Variants in FER observed in about 807,000 individuals in gnomAD.
FER encodes the protein tyrosine-protein kinase Fer.
FER carries 63 observed loss-of-function variants against 111.0 expected under a neutral mutation model. The observed-to-expected ratio is 0.57, with a 90% CI of 0.46 to 0.70. The LOEUF (loss-of-function observed/expected upper bound fraction) is 0.70, where lower values mean the gene tolerates loss of function less well. FER is among the 30% of genes least tolerant of loss of function. FER has a pLI of 0.00. For missense variants in FER, 914 were observed against 954.0 expected (o/e 0.96, Z 0.55); for synonymous variants, 327 against 313.9 (o/e 1.04, Z -0.44).
intron 17 of FER, among the ~76,000 whole-genome samples, chr5:109,118,928 T>C (rs533032379): frequency 6.6e-6 from 1 of 152,124 alleles, no homozygotes; most frequent in South Asian, 2.1e-4. Context: ...GGTCTATCAA[T>C]TTTGTTGATC....
chr5:109,069,048 C>A (rs1217333347), intron 16 of FER, among the ~76,000 whole-genome samples: 1 of 151,966 alleles, frequency 6.6e-6, no homozygotes, highest in South Asian at 2.1e-4. Flanking sequence ...TCCTACTAGA[C>A]TATTACCAAA....
Position 108,946,216 on chromosome 5 carries a change from T to C in FER, c.1323T>C (p.Ser441=), listed in dbSNP as rs769976162. ...GGTCTCCAAAATCTGCACTGGGCTC[T>C]TCAGCAGTAAGTAGGATTAACTCTC... ...IIRSPKSALG[S]SALSDMISIS... Residue 441 remains serine (S), a synonymous_variant, in exon 11 of 20, where the codon TCT becomes TCC. Transcript: ENST00000281092. The C allele has an allele frequency of 6.2e-7, 1 of 1,609,498 alleles. No homozygotes were observed. The highest frequency in any genetic ancestry group is 8.5e-7 in the Non-Finnish European group (1 of 1,176,682).
intron 13 of FER, among the ~76,000 whole-genome samples, chr5:109,027,306 A>G (rs57622369): frequency 0.12 from 17,812 of 152,064 alleles, 1,107 homozygotes; most frequent in Non-Finnish European, 0.14. Flanking sequence ...ATTGGCCTGT[A>G]TTTAAGGTAG....
At chr5:109,010,404 G>A (rs925927337) in intron 13 of FER, among the ~76,000 whole-genome samples, 5 of 151,756 alleles carry the variant, frequency 3.3e-5, no homozygotes, top group Non-Finnish European at 5.9e-5. Flanking sequence ...TGATCCGCCC[G>A]CCTCGGCCTC....
At chr5:108,969,377 T>A (rs1760321721) in intron 13 of FER, among the ~76,000 whole-genome samples, 1 of 152,110 alleles carries the variant, frequency 6.6e-6, no homozygotes, top group African/African-American at 2.4e-5. Flanking sequence ...TGGGGAGAGC[T>A]CCAAGAGACA....
In FER at chr5:108,995,958, C is replaced by T. The variant is rs1763929031; in HGVS notation, c.1656+36611C>T. Among the ~76,000 whole-genome samples, 5 of 152,214 alleles carry T rather than the reference C, an allele frequency of 3.3e-5. No individual in the cohort carries two copies. In the South Asian group the frequency reaches 1.0e-3, roughly 31 times the overall value. ...TCCTGACTTCTTAATGATCACCATT[C>T]TAACTGGTGTGAGATGGTATCTCTT... On this transcript the variant is annotated intron_variant, in intron 13 of 19. Coordinates refer to ENST00000281092, the MANE Select transcript of FER (RefSeq NM_005246.4).
chr5:108,888,572 C>T lies in FER; in HGVS notation c.1046+5054C>T, dbSNP rs532091820. 5.9e-5 allele frequency among the ~76,000 whole-genome samples: 9 copies of T among 151,862 alleles called. No individual in the cohort carries two copies. In the South Asian group the frequency reaches 8.3e-4, roughly 14 times the overall value. On this transcript the variant is annotated intron_variant, in intron 9 of 19. Coordinates refer to ENST00000281092, the MANE Select transcript of FER (RefSeq NM_005246.4). ...CATGCAAGGGTTCTGGAAGCTTCCACGTTTTAAATTTATTTATGGCCTCCT... is the reference window on the plus strand; with the variant it reads ...CATGCAAGGGTTCTGGAAGCTTCCATGTTTTAAATTTATTTATGGCCTCCT...
chr5:108,857,068 A>G (rs1477525780), intron 5 of FER, among the ~76,000 whole-genome samples: 1 of 152,094 alleles, frequency 6.6e-6, no homozygotes, highest in East Asian at 1.9e-4. Context: ...GAATTCCCAT[A>G]TACCGTTCAC....
chr5:109,040,610 G>T (rs539000681), intron 14 of FER, among the ~76,000 whole-genome samples: 1 of 152,092 alleles, frequency 6.6e-6, no homozygotes, highest in Non-Finnish European at 1.5e-5. Context: ...TGAGAGGAAC[G>T]GGAGGAGAGA....
At chr5:109,118,116 G>A (rs1750490875) in intron 17 of FER, among the ~76,000 whole-genome samples, 1 of 151,996 alleles carries the variant, frequency 6.6e-6, no homozygotes, top group Non-Finnish European at 1.5e-5. Context: ...TCCAGTTTTT[G>A]CCCATTCAGT....
chr5:109,165,849 A>G (rs1008240590), intron 17 of FER, among the ~76,000 whole-genome samples: 4 of 152,154 alleles, frequency 2.6e-5, no homozygotes, highest in African/African-American at 9.7e-5. Flanking sequence ...CTTATTTGAC[A>G]TAAAGGCAAT....
At chr5:109,078,576 G>C (rs181310809) in intron 16 of FER, among the ~76,000 whole-genome samples, 11 of 152,194 alleles carry the variant, frequency 7.2e-5, no homozygotes, top group African/African-American at 2.2e-4. Flanking sequence ...GATTGGGTCT[G>C]TTTACTGACT....
chr5:109,151,735 C>T (rs1754874117), intron 17 of FER, among the ~76,000 whole-genome samples: 1 of 152,140 alleles, frequency 6.6e-6, no homozygotes, highest in South Asian at 2.1e-4. Flanking sequence ...AAATGCATTT[C>T]ATCTTTCTCA....
intron 5 of FER, among the ~76,000 whole-genome samples, chr5:108,860,996 ATTTAACCACCTTCCACCTGG>A: frequency 6.6e-6 from 1 of 152,174 alleles, no homozygotes; most frequent in Non-Finnish European, 1.5e-5. Context: ...CCCCTTCATG[ATTTAACCACCTTCCACCTGG>A]TCCTTCCCTT....
intron 16 of FER, among the ~76,000 whole-genome samples, chr5:109,088,523 T>G (rs1777810759): frequency 6.6e-6 from 1 of 152,042 alleles, no homozygotes; most frequent in South Asian, 2.1e-4. Context: ...GAAATGTGGT[T>G]TGGTTGAGCA....
intron 8 of FER, among the ~76,000 whole-genome samples, chr5:108,874,752 A>G (rs1764921675): frequency 6.6e-6 from 1 of 152,062 alleles, no homozygotes. Flanking sequence ...ATGAACAGTT[A>G]GTTCCTGGAA....
chr5:109,143,936 C>G (rs1753790436), intron 17 of FER, among the ~76,000 whole-genome samples: 1 of 151,572 alleles, frequency 6.6e-6, no homozygotes, highest in African/African-American at 2.4e-5. Flanking sequence ...CAAGCAGTAT[C>G]TTTGGATAGA....
At chr5:108,976,578 A>G (rs144159815) in intron 13 of FER, among the ~76,000 whole-genome samples, 1,810 of 152,208 alleles carry the variant, frequency 0.012, 17 homozygotes, top group Non-Finnish European at 0.02. Flanking sequence ...ATGACTTTTG[A>G]CTTCCCAGAA....
intron 13 of FER, among the ~76,000 whole-genome samples, chr5:108,972,549 G>A (rs551998008): frequency 6.6e-6 from 1 of 152,048 alleles, no homozygotes; most frequent in Non-Finnish European, 1.5e-5. Flanking sequence ...AATTTATTCA[G>A]TCTTGTACTA....
Sources: gnomAD v4.1 joint callset for allele counts (sites outside exome capture counted in the v4.1 genomes callset) on GRCh38, gnomAD v4.1.1 for gene constraint, MANE v1.5 for transcripts, NCBI Gene and HGNC (gene_info 2026-07-23, HGNC 2026-07-21) for gene names.